Variants in PCDHA12 observed in about 807,000 individuals in gnomAD.
The protein encoded by PCDHA12 is protocadherin alpha-12.
A neutral mutation model predicts 60.0 loss-of-function variants in PCDHA12; 44 were observed. The ratio of observed to expected loss-of-function variants is 0.73; its 90% CI spans 0.58 to 0.94. The LOEUF (loss-of-function observed/expected upper bound fraction) is 0.94. Ranked by LOEUF, PCDHA12 falls within the 40% of genes least tolerant of loss-of-function variation. The pLI is 0.00. For synonymous variants in PCDHA12, 569 were observed against 553.0 expected, an observed-to-expected ratio of 1.03 and a Z score of -0.40; for missense variants, 1,276 against 1,239.7, an observed-to-expected ratio of 1.03 and a Z score of -0.44.
chr5:140,982,128 A>G (rs2153827578), intron 2 of PCDHA12, among the ~76,000 whole-genome samples: 1 of 152,384 alleles, frequency 6.6e-6, no homozygotes, highest in South Asian at 2.1e-4. Flanking sequence ...TTTTGAGAAC[A>G]AGCCCTCCTC....
intron 3 of PCDHA12, among the ~76,000 whole-genome samples, chr5:140,993,152 C>A (rs932484139): frequency 2.6e-4 from 39 of 152,142 alleles, no homozygotes; most frequent in African/African-American, 9.2e-4. Context: ...TAAATGGATT[C>A]TAAATATTTG....
chr5:140,889,080 A>G (rs2062092798), intron 1 of PCDHA12, among the ~76,000 whole-genome samples: 1 of 151,888 alleles, frequency 6.6e-6, no homozygotes, highest in Non-Finnish European at 1.5e-5. Flanking sequence ...ATTTTGTTAA[A>G]TTTTCAAAAC....
intron 1 of PCDHA12, among the ~76,000 whole-genome samples, chr5:140,923,142 TA>T (rs1262526439): frequency 5.3e-5 from 8 of 152,122 alleles, no homozygotes; most frequent in East Asian, 3.9e-4. Context: ...AGGTGGAATA[TA>T]AAAAAAATTA....
At chr5:140,968,661 T>C (rs1554230945) in intron 1 of PCDHA12, 1 of 1,614,182 alleles carries the variant, frequency 6.2e-7, no homozygotes, top group East Asian at 2.2e-5. Flanking sequence ...GACCTGGACC[T>C]CTTTAAGGTA....
intron 3 of PCDHA12, among the ~76,000 whole-genome samples, chr5:140,982,798 T>C (rs1310396823): frequency 2.0e-5 from 3 of 151,768 alleles, no homozygotes; most frequent in African/African-American, 7.3e-5. Flanking sequence ...TGTGTGCATG[T>C]GTGTGTGTGT....
intron 1 of PCDHA12, among the ~76,000 whole-genome samples, chr5:140,959,109 G>A (rs1401809702): frequency 1.3e-5 from 2 of 152,040 alleles, no homozygotes; most frequent in African/African-American, 4.8e-5. Context: ...GCAGGGGTCC[G>A]AAGGTGGGCG....
chr5:140,988,411 A>G (rs2097296392), intron 3 of PCDHA12, among the ~76,000 whole-genome samples: 1 of 152,144 alleles, frequency 6.6e-6, no homozygotes, highest in South Asian at 2.1e-4. Context: ...TTCGCAGCTT[A>G]TGTAAAGAAT....
At chr5:140,886,921 C>T (rs778306326) in intron 1 of PCDHA12, among the ~76,000 whole-genome samples, 2 of 151,406 alleles carry the variant, frequency 1.3e-5, no homozygotes, top group African/African-American at 4.9e-5. Context: ...TGAGTGTTCT[C>T]TATGTGCCAG....
chr5:140,939,807 C>G (rs927084385), intron 1 of PCDHA12, among the ~76,000 whole-genome samples: 1 of 152,088 alleles, frequency 6.6e-6, no homozygotes, highest in African/African-American at 2.4e-5. Context: ...TCTGCATGTT[C>G]AAGAAAAAGC....
intron 2 of PCDHA12, among the ~76,000 whole-genome samples, chr5:140,980,631 A>G (rs1272240071): frequency 6.6e-6 from 1 of 152,222 alleles, no homozygotes; most frequent in Non-Finnish European, 1.5e-5. Flanking sequence ...TCTGTCTCAG[A>G]AGAATAAATA....
chr5:140,887,954 T>A (rs2061642378), intron 1 of PCDHA12, among the ~76,000 whole-genome samples: 1 of 152,240 alleles, frequency 6.6e-6, no homozygotes, highest in South Asian at 2.1e-4. Context: ...TGTATAAGAT[T>A]CTTTTTGTCT....
intron 1 of PCDHA12, chr5:140,884,052 G>A (rs200938440): frequency 8.7e-6 from 14 of 1,613,472 alleles, no homozygotes; most frequent in African/African-American, 4.0e-5. Context: ...GCGAAGGTGC[G>A]CGCGGTGGAC....
chr5:140,935,257 C>A (rs1200153130), intron 1 of PCDHA12, among the ~76,000 whole-genome samples: 10 of 152,150 alleles, frequency 6.6e-5, no homozygotes, highest in South Asian at 4.1e-4. Context: ...AAATACATCA[C>A]ATGTTTATAC....
At chr5:140,926,471 T>G in intron 1 of PCDHA12, 1 of 162,332 alleles carries the variant, frequency 6.2e-6, no homozygotes, top group Non-Finnish European at 1.3e-5. Context: ...GAAAACACCG[T>G]TTAAGGAGAG....
intron 1 of PCDHA12, among the ~76,000 whole-genome samples, chr5:140,973,778 T>C (rs910410874): frequency 3.9e-5 from 6 of 152,256 alleles, no homozygotes; most frequent in African/African-American, 1.4e-4. Context: ...ATATTATAGG[T>C]TGCCTATTGG....
intron 3 of PCDHA12, among the ~76,000 whole-genome samples, chr5:140,993,092 G>A (rs1441562927): frequency 6.6e-6 from 1 of 152,222 alleles, no homozygotes; most frequent in East Asian, 1.9e-4. Flanking sequence ...GCAGGGCTAT[G>A]TTTATTCAGC....
chr5:140,969,483 G>T (rs531496681), intron 1 of PCDHA12: 15 of 1,462,254 alleles, frequency 1.0e-5, no homozygotes, highest in Non-Finnish European at 1.3e-5. Context: ...ATCATAATCT[G>T]CTATTTCCTC....
chr5:141,002,673 C>T (rs2098090242), intron 3 of PCDHA12, among the ~76,000 whole-genome samples: 3 of 152,180 alleles, frequency 2.0e-5, no homozygotes, highest in Admixed American at 2.0e-4. Context: ...GGACCAAAAC[C>T]TATACGACGT....
At chr5:140,919,359 G>T (rs188480486) in intron 1 of PCDHA12, among the ~76,000 whole-genome samples, 3 of 152,146 alleles carry the variant, frequency 2.0e-5, no homozygotes, top group African/African-American at 7.2e-5. Context: ...ATCTAAAAGT[G>T]TCTCCTGCAG....
Sources: gnomAD v4.1 joint callset for allele counts (sites outside exome capture counted in the v4.1 genomes callset) on GRCh38, gnomAD v4.1.1 for gene constraint, MANE v1.5 for transcripts, NCBI Gene and HGNC (gene_info 2026-07-23, HGNC 2026-07-21) for gene names.